EHMT1: variants seen among roughly 807,000 people sequenced by gnomAD.
The protein encoded by EHMT1 is histone-lysine N-methyltransferase EHMT1.
In EHMT1, 15 loss-of-function variants were observed where a neutral mutation model predicts 147.2. The observed-to-expected ratio is 0.10, with a 90% CI of 0.07 to 0.16. EHMT1 has a LOEUF of 0.16. EHMT1 is among the 10% of genes least tolerant of loss of function. EHMT1 has a pLI of 1.00. For synonymous variants in EHMT1, 795 were observed against 709.6 expected, an observed-to-expected ratio of 1.12 and a Z score of -1.91; for missense variants, 1,587 against 1,772.4, an observed-to-expected ratio of 0.90 and a Z score of 1.88.
intron 4 of EHMT1, among the ~76,000 whole-genome samples, chr9:137,734,453 CA>C: frequency 6.6e-6 from 1 of 152,236 alleles, no homozygotes. Context: ...GAGAAGCAAA[CA>C]ACAAGACTGA....
At chr9:137,831,659 G>A (rs1486603345) in intron 25 of EHMT1, among the ~76,000 whole-genome samples, 3 of 152,238 alleles carry the variant, frequency 2.0e-5, no homozygotes, top group Non-Finnish European at 4.4e-5. Context: ...CTTAGGAGCT[G>A]CCTTGAAAAT....
intron 23 of EHMT1, chr9:137,817,061 AG>A: frequency 3.5e-6 from 1 of 285,510 alleles, no homozygotes; most frequent in South Asian, 3.5e-5. Flanking sequence ...CCTTGTCGGG[AG>A]CAGGCTGGGC....
intron 2 of EHMT1, among the ~76,000 whole-genome samples, chr9:137,711,493 TAAGTG>T (rs1475316901): frequency 6.6e-6 from 1 of 152,082 alleles, no homozygotes; most frequent in African/African-American, 2.4e-5. Context: ...TACGGTTTGT[TAAGTG>T]AAGGAGGCCA....
chr9:137,619,513 T>G (rs1842822870), intron 1 of EHMT1, among the ~76,000 whole-genome samples: 2 of 152,096 alleles, frequency 1.3e-5, no homozygotes, highest in South Asian at 4.1e-4. Context: ...AGCTCTTCCT[T>G]CGCTTCGTTG....
chr9:137,719,428 G>A (rs2135559954), intron 3 of EHMT1, among the ~76,000 whole-genome samples: 1 of 152,250 alleles, frequency 6.6e-6, no homozygotes, highest in South Asian at 2.1e-4. Context: ...CACAGCTGCT[G>A]GGTGTTGCGT....
rs1034861410 is a variant in EHMT1, at chr9:137,630,884, C to G, written c.21+11835C>G. Among the ~76,000 whole-genome samples, 7 of 151,998 alleles carry G rather than the reference C, an allele frequency of 4.6e-5. 1 individual carries two copies. In the South Asian group the frequency reaches 1.2e-3, roughly 27 times the overall value. On this transcript the variant is annotated intron_variant, in intron 1 of 26. Coordinates refer to ENST00000460843, the MANE Select transcript of EHMT1 (RefSeq NM_024757.5). The stretch of plus-strand genomic sequence containing the variant: ...ATCCAGGGCCTTGTTACCATGGTAA[C>G]AAGTTGGGAAGTTTCATAACCACTG...
intron 1 of EHMT1, among the ~76,000 whole-genome samples, chr9:137,658,011 G>T (rs1271773310): frequency 6.6e-6 from 1 of 152,120 alleles, no homozygotes; most frequent in Non-Finnish European, 1.5e-5. Context: ...TTAACACAGT[G>T]ACCTCCAGTT....
rs771739845 is a variant in EHMT1 at position 137,716,762 on chromosome 9, G to C, written c.222G>C (p.Gln74His). ...ATGCAAATGCTGCAAAGCACACTCA[G>C]GACAGCGCAAGGGTCAACCCCCAGG... ...SSHANAAKHT[Q>H]DSARVNPQDG... The change falls in exon 3 of 27, where the codon CAG becomes CAC. Residue 74 changes from glutamine to histidine, a missense_variant. Gln to His is a conservative substitution (Grantham distance 24). Around this residue, in one of 7 missense-constraint regions of EHMT1, gnomAD observed 810 missense variants for 673.0 expected, o/e 1.20. Transcript: ENST00000460843. 29 of 1,612,980 alleles carry C rather than the reference G, an allele frequency of 1.8e-5. No homozygotes were observed. The highest frequency in any genetic ancestry group is 8.5e-7 in the Non-Finnish European group (1 of 1,179,778).
rs953043018 is a variant in EHMT1 at position 137,731,604 on chromosome 9, A to G, written c.823+3075A>G. ...TCGGGGTACGTCCTATCCTGTTGTC[A>G]CAGGATCCCTTGAGTGTCCCTTTGC... is the stretch of plus-strand genomic sequence containing the variant. On this transcript the variant is annotated intron_variant, in intron 4 of 26. Coordinates refer to ENST00000460843, the MANE Select transcript of EHMT1 (RefSeq NM_024757.5). The surrounding 1 kb of genome is among the most constrained non-coding windows in gnomAD (Gnocchi z 4.3). Among the ~76,000 whole-genome samples the G allele has an allele frequency of 1.3e-5, 2 of 152,126 alleles. No individual in the cohort carries two copies. Among genetic ancestry groups the G allele is most frequent in the Non-Finnish European group, 2.9e-5 (2 of 68,020 alleles).
intron 1 of EHMT1, among the ~76,000 whole-genome samples, chr9:137,688,967 C>T (rs1245289056): frequency 6.6e-6 from 1 of 152,154 alleles, no homozygotes; most frequent in African/African-American, 2.4e-5. Flanking sequence ...GAGTGGTGAG[C>T]TGCTGCAGGA....
intron 2 of EHMT1, among the ~76,000 whole-genome samples, chr9:137,712,577 T>C (rs1944842741): frequency 6.6e-6 from 1 of 152,236 alleles, no homozygotes; most frequent in South Asian, 2.1e-4. Flanking sequence ...TGGCCATCTT[T>C]AGAGCTTCTT....
rs549252178 is a variant in EHMT1, at chr9:137,810,282, G to A, written c.2713-1179G>A. 1.3e-3 allele frequency among the ~76,000 whole-genome samples: 201 copies of A among 152,252 alleles called. 2 individuals are homozygous for A. Among genetic ancestry groups the A allele is most frequent in the African/African-American group, 4.5e-3 (186 of 41,490 alleles). On this transcript the variant is annotated intron_variant, in intron 18 of 26. Transcript: ENST00000460843. Reference sequence around the variant, plus strand: ...TGGGTCCGGAGGCGGTTCCGATGCCGCCCTGCGTGAAAGGCGCTCCTCGCA... The same window carrying A: ...TGGGTCCGGAGGCGGTTCCGATGCCACCCTGCGTGAAAGGCGCTCCTCGCA...
At position 137,722,067 on chromosome 9, in the gene EHMT1, G is replaced by A. The variant is rs554377488; in HGVS notation, c.642+4885G>A. Among the ~76,000 whole-genome samples, 78 of 152,060 alleles carry A rather than the reference G, an allele frequency of 5.1e-4. 1 individual carries two copies. The highest frequency in any genetic ancestry group is 1.8e-3 in the African/African-American group (74 of 41,448). Reference sequence around the variant, plus strand: ...GTATAAAGTCTGAGGCTTGGGCTGAGGTTGAATTTATTTTTGCCTGTGGAT... The same window carrying A: ...GTATAAAGTCTGAGGCTTGGGCTGAAGTTGAATTTATTTTTGCCTGTGGAT... On this transcript the variant is annotated intron_variant, in intron 3 of 26. Coordinates refer to ENST00000460843, the MANE Select transcript of EHMT1 (RefSeq NM_024757.5).
At chr9:137,763,880 C>G (rs564190013) in intron 10 of EHMT1, 6 of 152,372 alleles carry the variant, frequency 3.9e-5, no homozygotes, top group African/African-American at 1.2e-4. Flanking sequence ...AGGTCAGGCC[C>G]GACCGCTGTG....
intron 1 of EHMT1, among the ~76,000 whole-genome samples, chr9:137,661,774 C>T (rs1029449103): frequency 2.0e-5 from 3 of 152,020 alleles, no homozygotes; most frequent in Non-Finnish European, 4.4e-5. Context: ...CTGCACCCGG[C>T]TGTTTTTCTA....
At chr9:137,663,830 G>A (rs1939342660) in intron 1 of EHMT1, among the ~76,000 whole-genome samples, 1 of 152,172 alleles carries the variant, frequency 6.6e-6, no homozygotes, top group Non-Finnish European at 1.5e-5. Flanking sequence ...TGGAGAGAAG[G>A]TGGAATGCAT....
At chr9:137,738,192 T>A (rs7026630) in intron 4 of EHMT1, among the ~76,000 whole-genome samples, 1 of 146,996 alleles carries the variant, frequency 6.8e-6, no homozygotes, top group African/African-American at 2.5e-5. Flanking sequence ...AGACTCTGTC[T>A]CAAAAAAAAC....
rs117040348 is a variant in EHMT1 at position 137,683,815 on chromosome 9, G to A, written c.22-27152G>A. 4.2e-4 allele frequency among the ~76,000 whole-genome samples: 63 copies of A among 151,774 alleles called. No homozygotes were observed. The East Asian group carries it at 9.9e-3, about 24-fold the overall frequency. ...AATTAAAAAAATTATACAATGACACGAGTTTATCTTTTCAAAATCAAATCC... is the reference window on the plus strand; with the variant it reads ...AATTAAAAAAATTATACAATGACACAAGTTTATCTTTTCAAAATCAAATCC... On this transcript the variant is annotated intron_variant, in intron 1 of 26. Coordinates refer to ENST00000460843, the MANE Select transcript of EHMT1 (RefSeq NM_024757.5).
At chr9:137,803,854 AC>A (rs902539388) in intron 18 of EHMT1, among the ~76,000 whole-genome samples, 2 of 150,882 alleles carry the variant, frequency 1.3e-5, no homozygotes, top group African/African-American at 4.9e-5. Context: ...AAAAAAAAAA[AC>A]CTGCCAAACT....
Sources: allele counts gnomAD v4.1 joint callset (sites outside exome capture counted in the v4.1 genomes callset), GRCh38; gene constraint gnomAD v4.1.1; regional missense constraint gnomAD v4.1.1; non-coding constraint Gnocchi (gnomAD v3.1); transcripts MANE v1.5; gene names NCBI Gene and HGNC (gene_info 2026-07-23, HGNC 2026-07-21).